Variants in FHL2 observed in about 807,000 individuals in gnomAD.
FHL2 encodes four and a half LIM domains protein 2.
FHL2 carries 20 observed loss-of-function variants against 32.7 expected under a neutral mutation model. The observed-to-expected ratio is 0.61, with a 90% CI of 0.43 to 0.89. The LOEUF is 0.89. Among genes scored for constraint, FHL2 ranks in the 40% least tolerant of loss-of-function variants. The probability of loss-of-function intolerance (pLI) is 0.00; values close to 1 mark genes in which losing one functional copy is unlikely to be tolerated. For missense variants in FHL2, 311 were observed against 358.6 expected, an observed-to-expected ratio of 0.87 and a Z score of 1.07; for synonymous variants, 123 against 128.1, an observed-to-expected ratio of 0.96 and a Z score of 0.27.
chr2:105,409,256 G>A (rs1381629064), intron 1 of FHL2, among the ~76,000 whole-genome samples: 1 of 152,218 alleles, frequency 6.6e-6, no homozygotes, highest in Non-Finnish European at 1.5e-5. Context: ...TATTCAAGGA[G>A]TCTGCACTTG....
upstream of FHL2, chr2:105,399,215 C>A (rs1057337681): frequency 1.0e-5 from 16 of 1,530,652 alleles, no homozygotes; most frequent in Non-Finnish European, 1.4e-5. Flanking sequence ...GCGGTCCCGG[C>A]CCGTACCCTT....
intron 1 of FHL2, among the ~76,000 whole-genome samples, chr2:105,429,990 G>T (rs1229654767): frequency 6.6e-6 from 1 of 152,194 alleles, no homozygotes; most frequent in Non-Finnish European, 1.5e-5. Flanking sequence ...GTGGTTCTGG[G>T]AAGTTAAAAT....
intron 4 of FHL2, among the ~76,000 whole-genome samples, chr2:105,368,769 G>T (rs1009103743): frequency 6.6e-6 from 1 of 152,242 alleles, no homozygotes; most frequent in South Asian, 2.1e-4. Context: ...CCAGATAGGC[G>T]TATAAACAAG....
In FHL2 at chr2:105,363,397, C is replaced by T. The variant is rs747844229; in HGVS notation, c.576G>A (p.Arg192=). The T allele has an allele frequency of 1.9e-6, 3 of 1,613,806 alleles. No homozygotes were observed. The highest frequency in any genetic ancestry group is 2.5e-6 in the Non-Finnish European group (3 of 1,179,892). Residue 192 remains arginine (R), a synonymous_variant, in exon 6 of 7, where the codon AGG becomes AGA. Transcript: ENST00000530340. ...TGAAGCGCTGCCCAGACAGCTGCTT[C>T]CTGCAGGCGGTGCACACGAAGCACT... The part of the protein sequence containing the change: ...HKECFVCTAC[R]KQLSGQRFTA...
intron 2 of FHL2, 57 bp from the exon 3 acceptor site, chr2:105,386,597 C>T (rs1482511951): frequency 1.9e-5 from 28 of 1,485,674 alleles, no homozygotes; most frequent in Admixed American, 6.9e-5. Context: ...AAGGGGTGCA[C>T]GCAAAGGCAT....
chr2:105,417,117 C>T (rs1683957131), intron 1 of FHL2, among the ~76,000 whole-genome samples: 1 of 152,208 alleles, frequency 6.6e-6, no homozygotes. Context: ...GGCGCGGTGG[C>T]TCACGCCGGT....
chr2:105,408,240 A>G (rs1573389357), intron 1 of FHL2, among the ~76,000 whole-genome samples: 1 of 152,148 alleles, frequency 6.6e-6, no homozygotes, highest in Non-Finnish European at 1.5e-5. Flanking sequence ...AGGTGGACTC[A>G]CTTGGATTGA....
At chr2:105,400,823 G>A (rs1044893206), upstream of FHL2, among the ~76,000 whole-genome samples, 3 of 150,592 alleles carry the variant, frequency 2.0e-5, no homozygotes, top group Non-Finnish European at 4.4e-5. Flanking sequence ...CAGCTATGTT[G>A]TGTTTTATTA....
chr2:105,379,940 G>A (rs1201379376), intron 3 of FHL2, among the ~76,000 whole-genome samples: 1 of 152,180 alleles, frequency 6.6e-6, no homozygotes, highest in Non-Finnish European at 1.5e-5. Context: ...GAAACTCGTA[G>A]GTAACTAATT....
chr2:105,361,913 GAGAGGGATATTGTCGCAGTGGGA>G, intron 6 of FHL2, among the ~76,000 whole-genome samples: 1 of 152,316 alleles, frequency 6.6e-6, no homozygotes, highest in East Asian at 1.9e-4. Flanking sequence ...GGAATGAGGG[GAGAGGGATATTGTCGCAGTGGGA>G]AGATCCTGAG....
chr2:105,394,138 G>A (rs185700064), intron 2 of FHL2, among the ~76,000 whole-genome samples: 2 of 151,752 alleles, frequency 1.3e-5, no homozygotes, highest in East Asian at 1.9e-4. Flanking sequence ...TTTTCCTACG[G>A]ATGGGAGTAT....
At chr2:105,430,955 A>G (rs1213895108) in intron 1 of FHL2, among the ~76,000 whole-genome samples, 1 of 152,222 alleles carries the variant, frequency 6.6e-6, no homozygotes, top group African/African-American at 2.4e-5. Flanking sequence ...GACTCTAAAC[A>G]TAAAAATGGA....
rs1043297556 is a variant in FHL2 at position 105,399,024 on chromosome 2, G to A, written c.-258C>T. The A allele has an allele frequency of 1.8e-5, 27 of 1,495,036 alleles. No homozygotes were observed. In the African/African-American group the frequency reaches 2.6e-4, roughly 15 times the overall value. 92.6% of individuals were successfully genotyped at this position (1,495,036 alleles called of 1,614,324 possible). A position where few individuals can be genotyped will look rare whatever the true frequency, so the allele number is the denominator to read the frequency against. Reference sequence around the variant, plus strand: ...CGGGGCTGGAGGGCGCGGGCGGCTGGTGGCTGCGGCTCCGCTGCCGGCCGA... The same window carrying A: ...CGGGGCTGGAGGGCGCGGGCGGCTGATGGCTGCGGCTCCGCTGCCGGCCGA... On this transcript the variant is annotated 5_prime_UTR_variant, in exon 1 of 7. Transcript: ENST00000530340.
intron 1 of FHL2, among the ~76,000 whole-genome samples, chr2:105,413,443 C>G (rs1683851498): frequency 6.6e-6 from 1 of 152,074 alleles, no homozygotes; most frequent in African/African-American, 2.4e-5. Flanking sequence ...CTAAGCACTA[C>G]TTACCACAGA....
chr2:105,367,829 A>C, intron 4 of FHL2, 90 bp from the exon 5 acceptor site: 1 of 1,364,992 alleles, frequency 7.3e-7, no homozygotes, highest in Non-Finnish European at 1.0e-6. Context: ...GCTGCCCTCT[A>C]GTTTTATGAC....
intron 3 of FHL2, chr2:105,378,397 G>T (rs146005769): frequency 8.7e-6 from 3 of 345,598 alleles, no homozygotes; most frequent in Non-Finnish European, 1.7e-5. Flanking sequence ...GGTGAAGGCC[G>T]CATTCTCTCA....
chr2:105,373,556 G>A lies in FHL2; in HGVS notation c.331+3C>T, dbSNP rs775738999. 12 of 1,614,158 alleles carry A rather than the reference G, an allele frequency of 7.4e-6. No individual in the cohort carries two copies. Among genetic ancestry groups the A allele is most frequent in the South Asian group, 1.1e-5 (1 of 91,040 alleles). ...CACGCATGAGAAAGGAGTGCCTCCT[G>A]ACCTGGCATGATGGTCTTCTTGCAT... On this transcript the variant is annotated splice_donor_region_variant and intron_variant, in intron 4 of 6. Coordinates refer to ENST00000530340, the MANE Select transcript of FHL2 (RefSeq NM_001318895.3).
At chr2:105,434,483 A>C (rs554608335) in intron 1 of FHL2, among the ~76,000 whole-genome samples, 1 of 152,224 alleles carries the variant, frequency 6.6e-6, no homozygotes, top group South Asian at 2.1e-4. Flanking sequence ...CACTAGAATC[A>C]CTTGAACCTG....
chr2:105,430,077 T>C (rs1388473480), intron 1 of FHL2, among the ~76,000 whole-genome samples: 1 of 152,210 alleles, frequency 6.6e-6, no homozygotes, highest in Admixed American at 6.5e-5. Flanking sequence ...CCCACCTCCC[T>C]TCCTTGACAA....
Sources: gnomAD v4.1 joint callset for allele counts (sites outside exome capture counted in the v4.1 genomes callset) on GRCh38, gnomAD v4.1.1 for gene constraint, MANE v1.5 for transcripts, NCBI Gene and HGNC (gene_info 2026-07-23, HGNC 2026-07-21) for gene names.